The following MDGA1 variants were observed in gnomAD, a reference collection of about 807,000 sequenced individuals.
The protein encoded by MDGA1 is MAM domain containing glycosylphosphatidylinositol anchor 1.
Under a neutral mutation model 101.5 loss-of-function variants are expected in MDGA1, and 54 were observed. The observed-to-expected ratio is 0.53, with a 90% CI of 0.43 to 0.67. MDGA1 has a LOEUF of 0.67. Ranked by LOEUF, MDGA1 falls within the 30% of genes least tolerant of loss-of-function variation. The pLI is 0.00. For synonymous variants in MDGA1, 533 were observed against 558.3 expected (o/e 0.95, Z 0.64); for missense variants, 1,083 against 1,323.8 (o/e 0.82, Z 2.82).
chr6:37,657,402 G>A (rs1486975013), intron 3 of MDGA1, among the ~76,000 whole-genome samples: 2 of 152,200 alleles, frequency 1.3e-5, no homozygotes, highest in Admixed American at 1.3e-4. Flanking sequence ...TCACCACCAT[G>A]GCCATGAGAG....
chr6:37,637,834 A>C (rs968200213), intron 16 of MDGA1: 4 of 529,016 alleles, frequency 7.6e-6, no homozygotes, highest in Non-Finnish European at 1.3e-5. Flanking sequence ...CTTGCCTGGT[A>C]CAGAGTAATT....
rs1418064537 is a variant in MDGA1, at chr6:37,638,701, T to A, written c.2537-34A>T. ...GGTGTGAAGACAGTGGGCAGTGAGA[T>A]CTGGCCAGGGCACCCTCACCTTTCC... On this transcript the variant is annotated intron_variant, in intron 14 of 16. Coordinates refer to ENST00000434837, the MANE Select transcript of MDGA1 (RefSeq NM_153487.4). The surrounding 1 kb of genome is among the most constrained non-coding windows in gnomAD (Gnocchi z 4.8). The A allele has an allele frequency of 3.1e-6, 5 of 1,593,322 alleles. No homozygotes were observed. The highest frequency in any genetic ancestry group is 4.3e-6 in the Non-Finnish European group (5 of 1,169,636).
chr6:37,690,473 T>G (rs1432668598), intron 1 of MDGA1, among the ~76,000 whole-genome samples: 1 of 152,184 alleles, frequency 6.6e-6, no homozygotes, highest in Non-Finnish European at 1.5e-5. Context: ...ACAGTCAATG[T>G]TAGCAATGTT....
chr6:37,647,220 G>C lies in MDGA1; in HGVS notation c.1999C>G (p.Pro667Ala). 1 of 1,594,348 alleles carries C rather than the reference G, an allele frequency of 6.3e-7. No homozygotes were observed. Among genetic ancestry groups the C allele is most frequent in the Non-Finnish European group, 8.5e-7 (1 of 1,170,626 alleles). ...TTGAGCACAGGGTCGACAGCGTCGG[G>C]CTCCCTCTGAGTCCACTGCAGCACG... ...SYVLQWTQRE[P>A]DAVDPVLNYR... Residue 667 changes from proline (P) to alanine (A), a missense_variant, in exon 10 of 17, where the codon CCC becomes GCC. Pro to Ala is a conservative substitution (Grantham distance 27). Coordinates refer to ENST00000434837, the MANE Select transcript of MDGA1 (RefSeq NM_153487.4).
chr6:37,674,331 C>A (rs1311338138), intron 1 of MDGA1, among the ~76,000 whole-genome samples: 3 of 152,250 alleles, frequency 2.0e-5, no homozygotes, highest in Admixed American at 2.0e-4. Flanking sequence ...ACCCCGCCAC[C>A]ACAATTGAAT....
rs1401789725 is a variant in MDGA1, at chr6:37,652,839, G to A, written c.983-499C>T. ...ATGCAAAATACACATTTGGAAGCAT[G>A]CACTAGAATATAACAGTGGTTCTAT... is the stretch of plus-strand genomic sequence containing the variant. On this transcript the variant is annotated intron_variant, in intron 6 of 16. Transcript: ENST00000434837. The surrounding 1 kb of genome is among the most constrained non-coding windows in gnomAD (Gnocchi z 4.3). Among the ~76,000 whole-genome samples, 7 of 152,232 alleles carry A rather than the reference G, an allele frequency of 4.6e-5. No homozygotes were observed.
chr6:37,677,052 C>T (rs1472300087), intron 1 of MDGA1, among the ~76,000 whole-genome samples: 2 of 152,162 alleles, frequency 1.3e-5, no homozygotes, highest in Non-Finnish European at 2.9e-5. Flanking sequence ...AGTGAGATGA[C>T]ATTTAAGAAA....
At position 37,631,292 on chromosome 6, in the gene MDGA1, T is replaced by G. The variant is rs971944089; in HGVS notation, c.*6076A>C. On this transcript the variant is annotated 3_prime_UTR_variant, in exon 17 of 17. Coordinates refer to ENST00000434837, the MANE Select transcript of MDGA1 (RefSeq NM_153487.4). ...TGTCCTCACAATAATGCACCTGTAC[T>G]TGAGTGAGCTTGAGCGGATTTCTCT... is the stretch of plus-strand genomic sequence containing the variant. The G allele has an allele frequency of 1.3e-5, 2 of 152,208 alleles. No homozygotes were observed. Among genetic ancestry groups the G allele is most frequent in the African/African-American group, 2.4e-5 (1 of 41,440 alleles). The allele number at this position is 152,208 out of a possible 1,614,324, so 9.4% of individuals were successfully genotyped here. A position where few individuals can be genotyped will look rare whatever the true frequency, so the allele number is the denominator to read the frequency against.
intron 14 of MDGA1, chr6:37,641,847 G>A (rs1012908765): frequency 6.6e-6 from 1 of 152,132 alleles, no homozygotes; most frequent in Non-Finnish European, 1.5e-5. Flanking sequence ...CCAGCCACGG[G>A]CAAAATGATC....
chr6:37,651,822 C>G (rs566809780), intron 7 of MDGA1, among the ~76,000 whole-genome samples, 189 bp downstream of exon 7: 1 of 152,196 alleles, frequency 6.6e-6, no homozygotes, highest in Admixed American at 6.5e-5. Flanking sequence ...GTTTTGCCCA[C>G]CGCTCTACCC....
intron 14 of MDGA1, among the ~76,000 whole-genome samples, chr6:37,640,130 T>C (rs1313720762): frequency 1.3e-5 from 2 of 152,104 alleles, no homozygotes; most frequent in Admixed American, 6.5e-5. Context: ...GGCTCCCAGC[T>C]CAAACCTAGG....
intron 1 of MDGA1, among the ~76,000 whole-genome samples, chr6:37,665,832 G>A (rs1761737457): frequency 6.6e-6 from 1 of 152,236 alleles, no homozygotes; most frequent in African/African-American, 2.4e-5. Context: ...TGAGACGCAT[G>A]TAACATGCAC....
rs753716743 is a variant in MDGA1, at chr6:37,655,655, G to A, written c.579+45C>T. Reference sequence around the variant, plus strand: ...AGCCCCATGCCCCCCTCCCCTGTTGGATGCAGGAGAAGTGGTATGGGGCGA... The same window carrying A: ...AGCCCCATGCCCCCCTCCCCTGTTGAATGCAGGAGAAGTGGTATGGGGCGA... On this transcript the variant is annotated intron_variant, in intron 4 of 16. Coordinates refer to ENST00000434837, the MANE Select transcript of MDGA1 (RefSeq NM_153487.4). This position sits in a 1 kb window ranked among gnomAD's most constrained non-coding sequence, Gnocchi z 5.1. 1.4e-6 allele frequency: 2 copies of A among 1,467,716 alleles called. No individual in the cohort carries two copies. The highest frequency in any genetic ancestry group is 4.4e-5 in the Admixed American group (2 of 45,672). The allele number at this position is 1,467,716 out of a possible 1,614,324, so 90.9% of individuals were successfully genotyped here.
At chr6:37,694,087 T>G (rs548213474) in intron 1 of MDGA1, among the ~76,000 whole-genome samples, 17 of 152,206 alleles carry the variant, frequency 1.1e-4, no homozygotes, top group Admixed American at 7.2e-4. Flanking sequence ...AGCCCCTCCC[T>G]TATCCACACA....
At chr6:37,656,487 C>T (rs1761490309) in intron 3 of MDGA1, among the ~76,000 whole-genome samples, 1 of 152,082 alleles carries the variant, frequency 6.6e-6, no homozygotes, top group Admixed American at 6.6e-5. Flanking sequence ...ATCCTCCCAC[C>T]TCAGCCTCCT....
rs529966439 is a variant in MDGA1 at position 37,649,166 on chromosome 6, G to A, written c.1710C>T (p.Ile570=). Reference sequence around the variant, plus strand: ...CTTTGAAACGCCACACAGCCGAGGCGATGCGCTGGGGGCTGCCTCGCAGCA... The same window carrying A: ...CTTTGAAACGCCACACAGCCGAGGCAATGCGCTGGGGGCTGCCTCGCAGCA... ...CSLLRGSPQR[I]ASAVWRFKGQ... is the part of the protein sequence containing the mutation. Residue 570 remains isoleucine, a synonymous_variant, in exon 9 of 17, where the codon ATC becomes ATT. Coordinates refer to ENST00000434837, the MANE Select transcript of MDGA1 (RefSeq NM_153487.4). 1 of 1,501,562 alleles carries A rather than the reference G, an allele frequency of 6.7e-7. No individual in the cohort carries two copies. Among genetic ancestry groups the A allele is most frequent in the Non-Finnish European group, 8.8e-7 (1 of 1,132,870 alleles). The allele number at this position is 1,501,562 out of a possible 1,614,324, so 93.0% of individuals were successfully genotyped here. A position where few individuals can be genotyped will look rare whatever the true frequency, so the allele number is the denominator to read the frequency against.
At chr6:37,672,834 A>G (rs1448432311) in intron 1 of MDGA1, among the ~76,000 whole-genome samples, 2 of 152,198 alleles carry the variant, frequency 1.3e-5, no homozygotes, top group Non-Finnish European at 2.9e-5. Context: ...GGGAAGCAGT[A>G]GCTAGAAAAG....
At chr6:37,681,192 T>C (rs962697693) in intron 1 of MDGA1, among the ~76,000 whole-genome samples, 1 of 152,218 alleles carries the variant, frequency 6.6e-6, no homozygotes, top group African/African-American at 2.4e-5. Flanking sequence ...GATTCCTCCC[T>C]GTCTCAGGTC....
chr6:37,677,808 C>A (rs1762013102), intron 1 of MDGA1, among the ~76,000 whole-genome samples: 1 of 152,196 alleles, frequency 6.6e-6, no homozygotes, highest in Non-Finnish European at 1.5e-5. Flanking sequence ...GGAAGGACAG[C>A]ATTTCTGGGG....
Sources: gnomAD v4.1 joint callset for allele counts (sites outside exome capture counted in the v4.1 genomes callset) on GRCh38, gnomAD v4.1.1 for gene constraint, Gnocchi (gnomAD v3.1) non-coding constraint, MANE v1.5 for transcripts, NCBI Gene and HGNC (gene_info 2026-07-23, HGNC 2026-07-21) for gene names.